The following PRKCB variants were observed in gnomAD, a reference collection of about 807,000 sequenced individuals.
The protein encoded by PRKCB is protein kinase C beta.
In PRKCB, 13 loss-of-function variants were observed where a neutral mutation model predicts 81.5. The ratio of observed to expected loss-of-function variants is 0.16; its 90% CI spans 0.10 to 0.25. The LOEUF is 0.25. Among genes scored for constraint, PRKCB ranks in the 10% least tolerant of loss-of-function variants. The pLI, the probability that PRKCB is intolerant of heterozygous loss-of-function variation, is 1.00. For missense variants in PRKCB, 509 were observed against 875.7 expected, an observed-to-expected ratio of 0.58 and a Z score of 5.29; for synonymous variants, 335 against 321.4, an observed-to-expected ratio of 1.04 and a Z score of -0.45.
intron 2 of PRKCB, among the ~76,000 whole-genome samples, chr16:23,860,558 A>G (rs879862616): frequency 3.3e-5 from 5 of 152,136 alleles, no homozygotes; most frequent in Non-Finnish European, 7.4e-5. Context: ...GATGTAAGGT[A>G]TTCAACAACA....
At chr16:23,838,966 G>A (rs1185146204) in intron 2 of PRKCB, among the ~76,000 whole-genome samples, 1 of 152,168 alleles carries the variant, frequency 6.6e-6, no homozygotes, top group Admixed American at 6.5e-5. Context: ...AAATGCCAAT[G>A]GTGTCTTGGC....
chr16:24,096,046 C>T (rs1387721986), intron 7 of PRKCB, among the ~76,000 whole-genome samples: 4 of 152,102 alleles, frequency 2.6e-5, no homozygotes, highest in African/African-American at 9.7e-5. Flanking sequence ...CCCTGTATTC[C>T]CAGCACTTTG....
rs1287445676 is a variant in PRKCB, at chr16:24,174,455, G to A, written c.1332-63G>A. On this transcript the variant is annotated intron_variant, in intron 11 of 16. Transcript: ENST00000643927. Reference sequence around the variant, plus strand: ...AGTTCAATATTGTATTGAATTCTGAGCATTGCCAAGCATATGGTGTCCTTG... The same window carrying A: ...AGTTCAATATTGTATTGAATTCTGAACATTGCCAAGCATATGGTGTCCTTG... 1.2e-5 allele frequency: 17 copies of A among 1,423,544 alleles called. No homozygotes were observed. In the East Asian group the frequency reaches 3.7e-4, roughly 31 times the overall value. 88.2% of individuals were successfully genotyped at this position (1,423,544 alleles called of 1,614,324 possible).
chr16:23,875,184 C>T (rs1432099964), intron 2 of PRKCB, among the ~76,000 whole-genome samples: 4 of 151,856 alleles, frequency 2.6e-5, no homozygotes, highest in Non-Finnish European at 4.4e-5. Flanking sequence ...ACTACAAGCA[C>T]GTGCCACCAC....
intron 2 of PRKCB, among the ~76,000 whole-genome samples, chr16:23,892,168 T>C (rs1963305649): frequency 6.6e-6 from 1 of 152,146 alleles, no homozygotes; most frequent in Admixed American, 6.5e-5. Flanking sequence ...TTGAGAGAAA[T>C]CTTTGGTGAA....
chr16:23,842,484 G>A (rs1380535590), intron 2 of PRKCB, among the ~76,000 whole-genome samples: 1 of 152,078 alleles, frequency 6.6e-6, no homozygotes, highest in Non-Finnish European at 1.5e-5. Flanking sequence ...TCTCTTCTTG[G>A]GTATATTTCT....
intron 3 of PRKCB, among the ~76,000 whole-genome samples, chr16:24,019,479 C>T (rs1965330543): frequency 6.6e-6 from 1 of 152,100 alleles, no homozygotes; most frequent in Admixed American, 6.5e-5. Flanking sequence ...AAAATACAAC[C>T]TTGGTCGGGT....
chr16:23,968,466 G>A (rs1312532539), intron 2 of PRKCB, among the ~76,000 whole-genome samples: 2 of 152,150 alleles, frequency 1.3e-5, no homozygotes, highest in African/African-American at 2.4e-5. Context: ...GGAAGGCATC[G>A]CCAGCAGGAA....
At chr16:23,952,187 G>A (rs1964292900) in intron 2 of PRKCB, among the ~76,000 whole-genome samples, 1 of 152,212 alleles carries the variant, frequency 6.6e-6, no homozygotes, top group Non-Finnish European at 1.5e-5. Flanking sequence ...AGAGATGGGA[G>A]TGAGTCAGGG....
chr16:23,981,830 T>C (rs1246982805), intron 2 of PRKCB, among the ~76,000 whole-genome samples: 3 of 3,796 alleles, frequency 7.9e-4, no homozygotes, highest in East Asian at 9.6e-3. Flanking sequence ...CCCTTCCCCT[T>C]CCCTTCCCTT....
chr16:23,988,396 G>C, intron 2 of PRKCB, 112 bp from the exon 3 acceptor site: 1 of 796,884 alleles, frequency 1.3e-6, no homozygotes, highest in Non-Finnish European at 2.1e-6. Flanking sequence ...TGGCATAAAG[G>C]CTTTACTTGT....
chr16:24,045,416 G>A (rs932541556), intron 5 of PRKCB, among the ~76,000 whole-genome samples: 7 of 152,136 alleles, frequency 4.6e-5, no homozygotes, highest in Non-Finnish European at 7.4e-5. Flanking sequence ...CAAGGTCGCT[G>A]GCATCATCCT....
chr16:23,860,076 A>G (rs1962639591), intron 2 of PRKCB, among the ~76,000 whole-genome samples: 1 of 152,134 alleles, frequency 6.6e-6, no homozygotes, highest in South Asian at 2.1e-4. Context: ...GAGGAATTAG[A>G]CAGACCTGCA....
chr16:24,115,563 C>CGAT (rs1966728192), intron 8 of PRKCB, among the ~76,000 whole-genome samples: 1 of 151,632 alleles, frequency 6.6e-6, no homozygotes. Flanking sequence ...GTATTTATCC[C>CGAT]GATGATTTTA....
chr16:24,106,935 T>C (rs1056308267), intron 7 of PRKCB, among the ~76,000 whole-genome samples: 2 of 152,188 alleles, frequency 1.3e-5, no homozygotes, highest in African/African-American at 4.8e-5. Context: ...TCCTCCTCCT[T>C]TTCATGTTGT....
At chr16:24,072,590 T>A (rs780428749) in intron 5 of PRKCB, among the ~76,000 whole-genome samples, 2 of 149,894 alleles carry the variant, frequency 1.3e-5, no homozygotes, top group African/African-American at 4.9e-5. Flanking sequence ...CTCTCTCTCT[T>A]TTTTTTTTGA....
At chr16:23,988,324 T>C (rs1411686732) in intron 2 of PRKCB, among the ~76,000 whole-genome samples, 184 bp from the exon 3 acceptor site, 1 of 152,224 alleles carries the variant, frequency 6.6e-6, no homozygotes, top group East Asian at 1.9e-4. Flanking sequence ...GAAGCATCTA[T>C]GTTCCCAAGA....
chr16:23,980,020 G>A lies in PRKCB; in HGVS notation c.206-8488G>A, dbSNP rs889582209. ...GGATCACTTGAGCCCAGGAGTTTGC[G>A]GCTACAGTGAGCTGTGATTGCACCA... On this transcript the variant is annotated intron_variant, in intron 2 of 16. Coordinates refer to ENST00000643927, the MANE Select transcript of PRKCB (RefSeq NM_002738.7). 5.3e-5 allele frequency among the ~76,000 whole-genome samples: 8 copies of A among 152,206 alleles called. No homozygotes were observed. In the East Asian group the frequency reaches 5.8e-4, roughly 11 times the overall value.
chr16:24,034,173 A>T (rs1163773246), intron 4 of PRKCB, among the ~76,000 whole-genome samples: 3 of 152,204 alleles, frequency 2.0e-5, no homozygotes, highest in African/African-American at 7.2e-5. Flanking sequence ...ATATAGGGAC[A>T]ATGTCCCTGC....
Sources: allele counts gnomAD v4.1 joint callset (sites outside exome capture counted in the v4.1 genomes callset), GRCh38; gene constraint gnomAD v4.1.1; transcripts MANE v1.5; gene names NCBI Gene and HGNC (gene_info 2026-07-23, HGNC 2026-07-21).